GLT1D1: variants seen among roughly 807,000 people sequenced by gnomAD.
The protein encoded by GLT1D1 is glycosyltransferase 1 domain containing 1.
A neutral mutation model predicts 28.7 loss-of-function variants in GLT1D1; 21 were observed. That is an observed-to-expected ratio of 0.73 (90% CI 0.52 to 1.05). The LOEUF is 1.05. GLT1D1 is among the 50% of genes least tolerant of loss of function. The probability of loss-of-function intolerance (pLI) is 0.00; values close to 1 mark genes in which losing one functional copy is unlikely to be tolerated. For missense variants in GLT1D1, 343 were observed against 330.6 expected (o/e 1.04, Z -0.29); for synonymous variants, 147 against 124.8 (o/e 1.18, Z -1.19).
intron 4 of GLT1D1, among the ~76,000 whole-genome samples, chr12:128,928,011 A>C (rs1197825824): frequency 4.7e-5 from 7 of 149,490 alleles, no homozygotes; most frequent in Admixed American, 4.0e-4. Context: ...AAAAAAAAAA[A>C]AAAAAAAAAA....
At position 128,983,073 on chromosome 12, in the gene GLT1D1, G is replaced by A; in HGVS notation, c.784G>A (p.Gly262Arg). 2 of 1,614,048 alleles carry A rather than the reference G, an allele frequency of 1.2e-6. No individual in the cohort carries two copies. Among genetic ancestry groups the A allele is most frequent in the Non-Finnish European group, 1.7e-6 (2 of 1,179,988 alleles). The change falls in exon 8 of 8, where the codon GGA (glycine) becomes AGA (arginine). Residue 262 changes from glycine to arginine, a missense_variant. Transcript: ENST00000281703. This position sits in a 1 kb window ranked among gnomAD's most constrained non-coding sequence, Gnocchi z 4.7. Reference sequence around the variant, plus strand: ...CCAACAGCTCATCAGGAAGCTGGAAGGAAGCACTGAAGATTGAGGGCCCCG... The same window carrying A: ...CCAACAGCTCATCAGGAAGCTGGAAAGAAGCACTGAAGATTGAGGGCCCCG...
intron 4 of GLT1D1, among the ~76,000 whole-genome samples, chr12:128,934,632 A>G (rs1298232981): frequency 4.6e-5 from 7 of 152,186 alleles, no homozygotes; most frequent in Non-Finnish European, 2.9e-5. Flanking sequence ...CCTCCACCCC[A>G]GGCATCAGAA....
intron 4 of GLT1D1, among the ~76,000 whole-genome samples, chr12:128,903,283 G>T (rs561480692): frequency 6.6e-6 from 1 of 151,816 alleles, no homozygotes; most frequent in Admixed American, 6.6e-5. Context: ...GACCCCTGAG[G>T]CCTGTCTCCA....
intron 1 of GLT1D1, among the ~76,000 whole-genome samples, chr12:128,867,112 C>G (rs1956551242): frequency 6.6e-6 from 1 of 151,330 alleles, no homozygotes; most frequent in Non-Finnish European, 1.5e-5. Flanking sequence ...GAAAGTTGGC[C>G]CTTGGGCGCA....
rs1204894925 is a variant in GLT1D1, at chr12:128,853,512, C to G, written c.-70C>G. 1 of 1,004,416 alleles carries G rather than the reference C, an allele frequency of 1.0e-6. No individual in the cohort carries two copies. Among genetic ancestry groups the G allele is most frequent in the Non-Finnish European group, 1.2e-6 (1 of 842,638 alleles). The allele number at this position is 1,004,416 out of a possible 1,614,324, so 62.2% of individuals were successfully genotyped here. ...GCCGCCCCGGCTCCCCCGCCGTCCG[C>G]GTCTGCGCCGGCCCCGGGGCCTGGT... is the stretch of plus-strand genomic sequence containing the variant. On this transcript the variant is annotated 5_prime_UTR_variant, in exon 1 of 8. Transcript: ENST00000281703.
At chr12:128,863,230 C>T (rs1956423323) in intron 1 of GLT1D1, among the ~76,000 whole-genome samples, 1 of 152,204 alleles carries the variant, frequency 6.6e-6, no homozygotes, top group Non-Finnish European at 1.5e-5. Flanking sequence ...CACCGATAGA[C>T]TGCTTGGGGA....
intron 7 of GLT1D1, among the ~76,000 whole-genome samples, chr12:128,958,192 G>C (rs527281828): frequency 6.6e-6 from 1 of 152,328 alleles, no homozygotes; most frequent in South Asian, 2.1e-4. Context: ...GTGTTGCCCA[G>C]TGTAGGGGGC....
chr12:128,957,711 G>A, intron 7 of GLT1D1, 68 bp downstream of exon 11: 2 of 1,047,896 alleles, frequency 1.9e-6, no homozygotes. Flanking sequence ...GTTTAATGGA[G>A]AGATTCTTTC....
At chr12:128,861,065 G>C (rs1234617671) in intron 1 of GLT1D1, among the ~76,000 whole-genome samples, 1 of 127,006 alleles carries the variant, frequency 7.9e-6, no homozygotes, top group Non-Finnish European at 1.8e-5. Flanking sequence ...AAGTTGTGGA[G>C]TTGTTTCAAA....
At chr12:128,871,125 A>G (rs1193803688) in intron 1 of GLT1D1, among the ~76,000 whole-genome samples, 1 of 152,232 alleles carries the variant, frequency 6.6e-6, no homozygotes, top group Admixed American at 6.6e-5. Context: ...CTCTCCAAGT[A>G]GAATTCAGCC....
At chr12:128,912,529 T>C in intron 4 of GLT1D1, 69 bp downstream of exon 5, 1 of 674,900 alleles carries the variant, frequency 1.5e-6, no homozygotes. Context: ...AATAGATGCA[T>C]ATTTATATGT....
At chr12:128,939,349 G>C (rs780136962) in intron 4 of GLT1D1, among the ~76,000 whole-genome samples, 1 of 151,262 alleles carries the variant, frequency 6.6e-6, no homozygotes, top group Non-Finnish European at 1.5e-5. Flanking sequence ...ATCACTTAAG[G>C]TCAGGAGTTC....
intron 4 of GLT1D1, among the ~76,000 whole-genome samples, chr12:128,924,732 A>T (rs1873011374): frequency 6.6e-6 from 1 of 152,142 alleles, no homozygotes; most frequent in African/African-American, 2.4e-5. Context: ...AAAAAGCCTC[A>T]TTCTTAAGAA....
intron 1 of GLT1D1, 62 bp downstream of exon 1, chr12:128,853,711 G>T: frequency 1.0e-6 from 1 of 990,038 alleles, no homozygotes; most frequent in South Asian, 4.6e-5. Flanking sequence ...GGGGACGCGG[G>T]ACCCGGGGAC....
intron 2 of GLT1D1, among the ~76,000 whole-genome samples, chr12:128,888,174 T>G (rs572427728): frequency 6.6e-6 from 1 of 152,374 alleles, no homozygotes; most frequent in East Asian, 1.9e-4. Flanking sequence ...TGAACAGTTC[T>G]TGAGGATATT....
intron 1 of GLT1D1, among the ~76,000 whole-genome samples, chr12:128,860,581 A>G (rs1956334429): frequency 6.6e-6 from 1 of 152,172 alleles, no homozygotes; most frequent in African/African-American, 2.4e-5. Context: ...TGCCAGCTCT[A>G]TTTGGTCTTG....
chr12:128,914,983 C>A, intron 4 of GLT1D1: 1 of 1,535,496 alleles, frequency 6.5e-7, no homozygotes, highest in Non-Finnish European at 8.7e-7. Flanking sequence ...CTTTCTTCAA[C>A]GCTCTGGTGA....
chr12:128,877,981 T>A lies in GLT1D1; in HGVS notation c.217+1919T>A, dbSNP rs150499667. On this transcript the variant is annotated intron_variant, in intron 2 of 7. Transcript: ENST00000281703. Reference sequence around the variant, plus strand: ...TGGTCCTCTCCATGGCCCTCTTGAGTGTCCTCACGATGTGATGGCCAGCTT... The same window carrying A: ...TGGTCCTCTCCATGGCCCTCTTGAGAGTCCTCACGATGTGATGGCCAGCTT... Among the ~76,000 whole-genome samples the A allele has an allele frequency of 1.1e-3, 162 of 152,330 alleles. 1 individual carries two copies. The highest frequency in any genetic ancestry group is 1.4e-3 in the Non-Finnish European group (98 of 68,026).
chr12:128,914,421 G>A (rs1162758492), intron 4 of GLT1D1, among the ~76,000 whole-genome samples: 1 of 152,066 alleles, frequency 6.6e-6, no homozygotes, highest in Non-Finnish European at 1.5e-5. Context: ...TGGAATCCAT[G>A]GGCTCTTTTT....
Sources: gnomAD v4.1 joint callset for allele counts (sites outside exome capture counted in the v4.1 genomes callset) on GRCh38, gnomAD v4.1.1 for gene constraint, Gnocchi (gnomAD v3.1) non-coding constraint, MANE v1.5 for transcripts, NCBI Gene and HGNC (gene_info 2026-07-23, HGNC 2026-07-21) for gene names.